FAM219A: variants seen among roughly 807,000 people sequenced by gnomAD.
FAM219A encodes protein FAM219A.
In FAM219A, 7 loss-of-function variants were observed where a neutral mutation model predicts 23.4. The ratio of observed to expected loss-of-function variants is 0.30; its 90% CI spans 0.17 to 0.56. FAM219A has a LOEUF of 0.56. Among genes scored for constraint, FAM219A ranks in the 20% least tolerant of loss-of-function variants. FAM219A has a pLI of 0.92. For synonymous variants in FAM219A, 93 were observed against 99.0 expected (o/e 0.94, Z 0.36); for missense variants, 166 against 246.9 (o/e 0.67, Z 2.20).
intron 1 of FAM219A, among the ~76,000 whole-genome samples, chr9:34,411,882 G>A (rs1440545948): frequency 2.0e-5 from 3 of 152,096 alleles, no homozygotes; most frequent in African/African-American, 7.2e-5. Flanking sequence ...AGGACATTCA[G>A]GGAACATGTG....
intron 1 of FAM219A, among the ~76,000 whole-genome samples, chr9:34,456,365 T>G (rs544346830): frequency 4.6e-4 from 70 of 152,254 alleles, no homozygotes; most frequent in Non-Finnish European, 6.9e-4. Flanking sequence ...AAACCACTAT[T>G]CAGAATTTCA....
intron 1 of FAM219A, among the ~76,000 whole-genome samples, chr9:34,429,630 C>T (rs1822617794): frequency 6.6e-6 from 1 of 152,134 alleles, no homozygotes; most frequent in East Asian, 1.9e-4. Context: ...CTTGTGGGCT[C>T]TGGGGGCCAT....
At chr9:34,438,150 G>A (rs1819336598) in intron 1 of FAM219A, among the ~76,000 whole-genome samples, 1 of 152,238 alleles carries the variant, frequency 6.6e-6, no homozygotes, top group African/African-American at 2.4e-5. Context: ...CCAAGCCTTA[G>A]CTGCCTTCCT....
chr9:34,447,925 G>A (rs1356892893), intron 1 of FAM219A, among the ~76,000 whole-genome samples: 3 of 151,460 alleles, frequency 2.0e-5, no homozygotes, highest in African/African-American at 7.3e-5. Context: ...AGGCTAGAGT[G>A]TAATAGTGCA....
Position 34,398,401 on chromosome 9 carries a change from G to A in FAM219A, c.*2563C>T. On this transcript the variant is annotated 3_prime_UTR_variant, in exon 6 of 6. Coordinates refer to ENST00000651358, the MANE Select transcript of FAM219A (RefSeq NM_001184940.2). ...AGTGTTAAGGCAGTATCTACAAGGG[G>A]AAGGGTGGCAGGAGGGCAAGCTAAG... 2 of 1,549,032 alleles carry A rather than the reference G, an allele frequency of 1.3e-6. No homozygotes were observed. Among genetic ancestry groups the A allele is most frequent in the East Asian group, 2.4e-5 (1 of 40,920 alleles).
At chr9:34,448,994 G>GAAAA (rs55976326) in intron 1 of FAM219A, among the ~76,000 whole-genome samples, 1,433 of 142,426 alleles carry the variant, frequency 0.01, 23 homozygotes, top group African/African-American at 0.031. Flanking sequence ...AAAACTATCG[G>GAAAA]AAAAAAAAAA....
At chr9:34,435,865 G>A (rs111795357) in intron 1 of FAM219A, among the ~76,000 whole-genome samples, 44 of 152,142 alleles carry the variant, frequency 2.9e-4, no homozygotes, top group African/African-American at 1.0e-3. Flanking sequence ...GAGTGCAATG[G>A]CATGATCTCG....
At chr9:34,430,854 A>G (rs1822671530) in intron 1 of FAM219A, among the ~76,000 whole-genome samples, 1 of 151,724 alleles carries the variant, frequency 6.6e-6, no homozygotes, top group Admixed American at 6.6e-5. Context: ...AATAACAACA[A>G]CAACAACAAC....
rs577529902 is a variant in FAM219A, at chr9:34,417,991, C to T, written c.61-12027G>A. Among the ~76,000 whole-genome samples, 19 of 152,320 alleles carry T rather than the reference C, an allele frequency of 1.2e-4. No homozygotes were observed. Among genetic ancestry groups the T allele is most frequent in the South Asian group, 2.1e-4 (1 of 4,822 alleles). ...AGCATGTCAGCTGTAGGAACCGTGACGGTAATTGCGGAGCCAGAAAGCAAA... is the reference window on the plus strand; with the variant it reads ...AGCATGTCAGCTGTAGGAACCGTGATGGTAATTGCGGAGCCAGAAAGCAAA... On this transcript the variant is annotated intron_variant, in intron 1 of 5. Coordinates refer to ENST00000651358, the MANE Select transcript of FAM219A (RefSeq NM_001184940.2). The surrounding 1 kb of genome is among the most constrained non-coding windows in gnomAD (Gnocchi z 4.1).
At chr9:34,445,251 TCACCA>T (rs1225166566) in intron 1 of FAM219A, among the ~76,000 whole-genome samples, 2 of 152,220 alleles carry the variant, frequency 1.3e-5, no homozygotes, top group Non-Finnish European at 2.9e-5. Context: ...AGTATCTTCT[TCACCA>T]GTCTGTAAGT....
Sources: gnomAD v4.1 joint callset for allele counts (sites outside exome capture counted in the v4.1 genomes callset) on GRCh38, gnomAD v4.1.1 for gene constraint, Gnocchi (gnomAD v3.1) non-coding constraint, MANE v1.5 for transcripts, NCBI Gene and HGNC (gene_info 2026-07-23, HGNC 2026-07-21) for gene names.